The following THUMPD2 variants were observed in gnomAD, a reference collection of about 807,000 sequenced individuals.
The protein encoded by THUMPD2 is U6 snRNA (guanine-N(2))-methyltransferase THUMPD2.
Under a neutral mutation model 49.4 loss-of-function variants are expected in THUMPD2, and 56 were observed. The ratio of observed to expected loss-of-function variants is 1.13; its 90% confidence interval spans 0.91 to 1.41. THUMPD2 has a LOEUF of 1.41. Ranked by LOEUF, THUMPD2 falls within the 40% of genes most tolerant of loss-of-function variation. The pLI, the probability that THUMPD2 is intolerant of heterozygous loss-of-function variation, is 0.00. For synonymous variants in THUMPD2, 237 were observed against 205.2 expected, an observed-to-expected ratio of 1.15 and a Z score of -1.32; for missense variants, 709 against 594.5, an observed-to-expected ratio of 1.19 and a Z score of -2.00.
At chr2:39,759,964 A>C (rs892782973) in intron 6 of THUMPD2, among the ~76,000 whole-genome samples, 1 of 152,240 alleles carries the variant, frequency 6.6e-6, no homozygotes, top group South Asian at 2.1e-4. Context: ...GGGCAAGACA[A>C]AGAGAAGAAG....
chr2:39,766,228 C>A (rs1677498747), intron 4 of THUMPD2, 119 bp from the exon 5 acceptor site: 1 of 619,334 alleles, frequency 1.6e-6, no homozygotes, highest in Non-Finnish European at 2.6e-6. Flanking sequence ...AACTCCAAGG[C>A]CTTATTCATC....
intron 6 of THUMPD2, among the ~76,000 whole-genome samples, chr2:39,761,035 G>C (rs1006452843): frequency 2.6e-5 from 4 of 152,018 alleles, no homozygotes. Flanking sequence ...AAAACTTTAA[G>C]AATAGGAGGT....
chr2:39,744,963 G>A (rs184321570), intron 8 of THUMPD2, among the ~76,000 whole-genome samples: 30 of 152,266 alleles, frequency 2.0e-4, no homozygotes, highest in Middle Eastern at 3.4e-3. Flanking sequence ...CCTAAGACTA[G>A]AGAAAAGGCT....
chr2:39,768,585 A>G lies in THUMPD2; in HGVS notation c.673-84T>C, dbSNP rs932699693. The stretch of plus-strand genomic sequence containing the variant: ...GTCAGCAAAACTAACAGAGTAGCCT[A>G]TAAGAAAATCAAGTCAGGCTATCTG... On this transcript the variant is annotated intron_variant, in intron 3 of 9. Coordinates refer to ENST00000505747, the MANE Select transcript of THUMPD2 (RefSeq NM_025264.5). The G allele has an allele frequency of 9.9e-6, 11 of 1,111,176 alleles. No homozygotes were observed. In the African/African-American group the frequency reaches 1.1e-4, roughly 11 times the overall value. The allele number at this position is 1,111,176 out of a possible 1,614,324, so 68.8% of individuals were successfully genotyped here.
chr2:39,764,251 A>T (rs1251165045), intron 5 of THUMPD2, among the ~76,000 whole-genome samples: 2 of 152,228 alleles, frequency 1.3e-5, no homozygotes, highest in Non-Finnish European at 2.9e-5. Context: ...GTATCCTAGA[A>T]ACAGCAGGAA....
At chr2:39,744,634 G>T in intron 8 of THUMPD2, 156 bp from the exon 9 acceptor site, 1 of 476,084 alleles carries the variant, frequency 2.1e-6, no homozygotes, top group Non-Finnish European at 3.7e-6. Context: ...ATCCCAAAAT[G>T]CTTTCACAAT....
At chr2:39,746,888 T>C (rs190687828) in intron 8 of THUMPD2, among the ~76,000 whole-genome samples, 18 of 152,294 alleles carry the variant, frequency 1.2e-4, no homozygotes, top group African/African-American at 3.6e-4. Context: ...CCTTGTTCTT[T>C]CTGTTTATTG....
intron 6 of THUMPD2, among the ~76,000 whole-genome samples, chr2:39,760,225 G>A (rs1161115700): frequency 6.6e-6 from 1 of 152,094 alleles, no homozygotes; most frequent in Non-Finnish European, 1.5e-5. Context: ...GAGGAGAAGA[G>A]AAAAAAGTAC....
At chr2:39,748,072 G>C (rs1674846421) in intron 8 of THUMPD2, among the ~76,000 whole-genome samples, 1 of 152,176 alleles carries the variant, frequency 6.6e-6, no homozygotes, top group Non-Finnish European at 1.5e-5. Context: ...AGGGAAAGAT[G>C]ATCAATGTCT....
intron 6 of THUMPD2, among the ~76,000 whole-genome samples, chr2:39,756,340 G>C (rs752421455): frequency 1.3e-5 from 2 of 152,068 alleles, no homozygotes; most frequent in African/African-American, 2.4e-5. Flanking sequence ...AAGTTCTCTT[G>C]TGATTCTATT....
intron 6 of THUMPD2, among the ~76,000 whole-genome samples, chr2:39,760,104 C>T (rs919288724): frequency 6.6e-6 from 1 of 152,078 alleles, no homozygotes; most frequent in Non-Finnish European, 1.5e-5. Context: ...ACTTTTGAAA[C>T]CCAAGAGCAT....
At position 39,744,670 on chromosome 2, in the gene THUMPD2, T is replaced by C. The variant is rs373004454; in HGVS notation, c.1079-192A>G. On this transcript the variant is annotated intron_variant, in intron 8 of 9. Transcript: ENST00000505747. The stretch of plus-strand genomic sequence containing the variant: ...CACTAATGATAAATGATAGTTATTG[T>C]ATTCTGTTCGTTGAAAATTGGTTTT... The C allele has an allele frequency of 1.6e-5, 6 of 385,172 alleles. 1 individual carries two copies. Among genetic ancestry groups the C allele is most frequent in the South Asian group, 6.4e-5 (1 of 15,516 alleles). 23.9% of individuals were successfully genotyped at this position (385,172 alleles called of 1,614,324 possible).
chr2:39,756,161 G>C (rs758172838), intron 6 of THUMPD2, among the ~76,000 whole-genome samples: 3 of 152,046 alleles, frequency 2.0e-5, no homozygotes, highest in Non-Finnish European at 4.4e-5. Context: ...CATGCTGATG[G>C]GGATGACCCA....
intron 9 of THUMPD2, among the ~76,000 whole-genome samples, chr2:39,739,765 G>A (rs1017602934): frequency 2.0e-5 from 3 of 152,212 alleles, no homozygotes; most frequent in Non-Finnish European, 2.9e-5. Flanking sequence ...TGAGGAGGAA[G>A]GAACTGAGAG....
At chr2:39,765,959 T>C in intron 5 of THUMPD2, 98 bp downstream of exon 5, 1 of 952,970 alleles carries the variant, frequency 1.0e-6, no homozygotes, top group East Asian at 2.7e-5. Context: ...TAGCCTTCTC[T>C]GTTATATGAA....
intron 8 of THUMPD2, among the ~76,000 whole-genome samples, chr2:39,749,283 C>T (rs1372673372): frequency 6.6e-6 from 1 of 152,060 alleles, no homozygotes; most frequent in Non-Finnish European, 1.5e-5. Flanking sequence ...AAAAAAGAAA[C>T]AAAGCTACTA....
intron 3 of THUMPD2, chr2:39,768,888 T>A: frequency 1.5e-6 from 2 of 1,297,438 alleles, no homozygotes; most frequent in Non-Finnish European, 2.0e-6. Context: ...CAGATTAGTA[T>A]CATTAGACTC....
intron 8 of THUMPD2, among the ~76,000 whole-genome samples, chr2:39,746,097 C>T (rs917241027): frequency 6.6e-6 from 1 of 152,178 alleles, no homozygotes; most frequent in Admixed American, 6.5e-5. Flanking sequence ...ATTCAGTAAC[C>T]GTTAGCTGCT....
chr2:39,742,963 AG>A (rs1674102731), intron 9 of THUMPD2, among the ~76,000 whole-genome samples: 1 of 152,192 alleles, frequency 6.6e-6, no homozygotes, highest in Admixed American at 6.5e-5. Context: ...GAGAGGTCTC[AG>A]GTAATATTTC....
Sources: allele counts gnomAD v4.1 joint callset (sites outside exome capture counted in the v4.1 genomes callset), GRCh38; gene constraint gnomAD v4.1.1; transcripts MANE v1.5; gene names NCBI Gene and HGNC (gene_info 2026-07-23, HGNC 2026-07-21).